The following SRRM4 variants were observed in gnomAD, a reference collection of about 807,000 sequenced individuals.
SRRM4 encodes the protein serine/arginine repetitive matrix protein 4.
A neutral mutation model predicts 68.9 loss-of-function variants in SRRM4; 33 were observed. The ratio of observed to expected loss-of-function variants is 0.48; its 90% CI spans 0.36 to 0.64. The LOEUF (loss-of-function observed/expected upper bound fraction) is 0.64. Ranked by LOEUF, SRRM4 falls within the 30% of genes least tolerant of loss-of-function variation. SRRM4 has a pLI of 0.00. For missense variants in SRRM4, 817 were observed against 827.1 expected (o/e 0.99, Z 0.15); for synonymous variants, 318 against 318.8 (o/e 1.00, Z 0.03).
chr12:119,093,065 C>T (rs1954023592), intron 1 of SRRM4, among the ~76,000 whole-genome samples: 1 of 152,178 alleles, frequency 6.6e-6, no homozygotes, highest in African/African-American at 2.4e-5. Context: ...AGTCTTTGCT[C>T]AAATCTCACC....
intron 1 of SRRM4, among the ~76,000 whole-genome samples, chr12:119,018,445 T>C (rs1289445603): frequency 6.6e-6 from 1 of 152,176 alleles, no homozygotes; most frequent in East Asian, 1.9e-4. Flanking sequence ...TTTAATCTCA[T>C]TAATAAAGGA....
At chr12:119,024,874 C>T (rs772372616) in intron 1 of SRRM4, among the ~76,000 whole-genome samples, 3 of 152,070 alleles carry the variant, frequency 2.0e-5, no homozygotes, top group East Asian at 1.9e-4. Context: ...CCATGTATGG[C>T]GACAGTAGGA....
chr12:118,993,234 C>T (rs1321878672), intron 1 of SRRM4, among the ~76,000 whole-genome samples: 1 of 152,174 alleles, frequency 6.6e-6, no homozygotes, highest in Non-Finnish European at 1.5e-5. Flanking sequence ...GTTCACTGAG[C>T]AGGGATCACC....
chr12:118,995,691 A>C (rs1217441326), intron 1 of SRRM4, among the ~76,000 whole-genome samples: 3 of 152,230 alleles, frequency 2.0e-5, no homozygotes, highest in Non-Finnish European at 2.9e-5. Context: ...GCTTACCCCA[A>C]GCTGACCCAG....
intron 1 of SRRM4, among the ~76,000 whole-genome samples, chr12:119,004,714 C>T (rs1953405396): frequency 6.6e-6 from 1 of 151,952 alleles, no homozygotes; most frequent in East Asian, 2.0e-4. Context: ...CCTTTTCTCT[C>T]CTCTCGGCTC....
chr12:119,029,414 T>G (rs1302943570), intron 1 of SRRM4, among the ~76,000 whole-genome samples: 1 of 152,172 alleles, frequency 6.6e-6, no homozygotes. Flanking sequence ...TTTGGACCAA[T>G]AGGTGAAAAT....
chr12:119,099,930 T>G (rs1211498319), intron 1 of SRRM4, among the ~76,000 whole-genome samples: 2 of 152,208 alleles, frequency 1.3e-5, no homozygotes, highest in Admixed American at 1.3e-4. Context: ...TTCTACTACA[T>G]TCTTTTCATT....
intron 1 of SRRM4, among the ~76,000 whole-genome samples, chr12:118,997,968 C>T (rs1273590195): frequency 6.6e-6 from 1 of 152,100 alleles, no homozygotes; most frequent in Non-Finnish European, 1.5e-5. Context: ...GTCCTACTGA[C>T]ACACTAACTG....
intron 1 of SRRM4, among the ~76,000 whole-genome samples, chr12:119,039,599 G>A (rs180917855): frequency 1.6e-4 from 25 of 152,250 alleles, no homozygotes; most frequent in Non-Finnish European, 3.2e-4. Flanking sequence ...TGAAAGTTCC[G>A]CATCCCAGGA....
chr12:118,997,143 C>T (rs1199424302), intron 1 of SRRM4, among the ~76,000 whole-genome samples: 1 of 152,232 alleles, frequency 6.6e-6, no homozygotes, highest in Non-Finnish European at 1.5e-5. Context: ...TGCTCTTGAC[C>T]ACAGCTCAAC....
chr12:119,092,289 C>G (rs1447893770), intron 1 of SRRM4, among the ~76,000 whole-genome samples: 1 of 152,156 alleles, frequency 6.6e-6, no homozygotes. Context: ...TGTCCAAATG[C>G]TATCATCTCT....
At chr12:119,099,701 T>C (rs1954066989) in intron 1 of SRRM4, among the ~76,000 whole-genome samples, 1 of 152,228 alleles carries the variant, frequency 6.6e-6, no homozygotes, top group Non-Finnish European at 1.5e-5. Flanking sequence ...TCATAAGGCT[T>C]GACTGGAGCT....
At position 118,982,683 on chromosome 12, in the gene SRRM4, T is replaced by TTTG. The variant is rs1555212623; in HGVS notation, c.131+672_131+673insGTT. Among the ~76,000 whole-genome samples, 108 of 135,262 alleles carry TTTG rather than the reference T, an allele frequency of 8.0e-4. 1 individual carries two copies. Among genetic ancestry groups the TTTG allele is most frequent in the African/African-American group, 2.7e-3 (94 of 35,416 alleles). The allele number at this position is 135,262 out of a possible 152,430, so 88.7% of individuals were successfully genotyped here. Reference sequence around the variant, plus strand: ...AGTTTTATTTTGTTTTTTTTTGTTTTTTTTTTTTTTTTCCAAAAAGAATCT... The same window carrying TTTG: ...AGTTTTATTTTGTTTTTTTTTGTTTTTTGTTTTTTTTTTTTCCAAAAAGAATCT... On this transcript the variant is annotated intron_variant, in intron 1 of 12. Transcript: ENST00000267260.
chr12:119,099,965 G>C (rs181273541), intron 1 of SRRM4, among the ~76,000 whole-genome samples: 5 of 152,136 alleles, frequency 3.3e-5, no homozygotes, highest in Non-Finnish European at 4.4e-5. Flanking sequence ...AAGCCCATCC[G>C]ATATTCAAAG....
chr12:118,997,400 C>G (rs1184250766), intron 1 of SRRM4, among the ~76,000 whole-genome samples: 1 of 152,348 alleles, frequency 6.6e-6, no homozygotes. Flanking sequence ...AGTCCACACA[C>G]GTTACTGTGG....
chr12:119,145,640 C>T lies in SRRM4; in HGVS notation c.1031C>T (p.Ala344Val). The change falls in exon 9 of 13, where the codon GCC becomes GTC. Residue 344 changes from alanine (A) to valine (V), a missense_variant. By Grantham distance (64) the Ala-to-Val change is moderately conservative. Transcript: ENST00000267260. ...FTTSSPQNKGAMLENLSPTSR... is the reference protein window; with the variant it reads ...FTTSSPQNKGVMLENLSPTSR... Reference sequence around the variant, plus strand: ...ACCTCCTCACCCCAGAACAAGGGGGCCATGTTGGAGAATCTCTCCCCCACC... The same window carrying T: ...ACCTCCTCACCCCAGAACAAGGGGGTCATGTTGGAGAATCTCTCCCCCACC... 1 of 1,533,322 alleles carries T rather than the reference C, an allele frequency of 6.5e-7. No individual in the cohort carries two copies. The highest frequency in any genetic ancestry group is 8.8e-7 in the Non-Finnish European group (1 of 1,141,560). The allele number at this position is 1,533,322 out of a possible 1,614,324, so 95.0% of individuals were successfully genotyped here.
At chr12:119,108,646 G>GTTTT (rs202238669) in intron 2 of SRRM4, among the ~76,000 whole-genome samples, 2 of 136,232 alleles carry the variant, frequency 1.5e-5, no homozygotes, top group African/African-American at 5.4e-5. Context: ...ACCCCTGTTT[G>GTTTT]TTTTTTTTTT....
intron 1 of SRRM4, among the ~76,000 whole-genome samples, chr12:119,063,357 G>T (rs776446115): frequency 6.6e-6 from 1 of 152,116 alleles, no homozygotes; most frequent in Non-Finnish European, 1.5e-5. Flanking sequence ...AACAACAAAG[G>T]TTCCTTTTCA....
chr12:119,111,297 G>A (rs953371617), intron 2 of SRRM4, among the ~76,000 whole-genome samples: 1 of 152,150 alleles, frequency 6.6e-6, no homozygotes, highest in Non-Finnish European at 1.5e-5. Flanking sequence ...ACTAGTGTAG[G>A]GAAAAATAGG....
Sources: gnomAD v4.1 joint callset for allele counts (sites outside exome capture counted in the v4.1 genomes callset) on GRCh38, gnomAD v4.1.1 for gene constraint, MANE v1.5 for transcripts, NCBI Gene and HGNC (gene_info 2026-07-23, HGNC 2026-07-21) for gene names.